The following KCNG3 variants were observed in gnomAD, a reference collection of about 807,000 sequenced individuals.
KCNG3 encodes the protein voltage-gated potassium channel regulatory subunit KCNG3.
A neutral mutation model predicts 29.0 loss-of-function variants in KCNG3; 15 were observed. The ratio of observed to expected loss-of-function variants is 0.52; its 90% confidence interval spans 0.35 to 0.80. KCNG3 has a LOEUF of 0.80. KCNG3 is among the 30% of genes least tolerant of loss of function. The pLI is 0.01. For missense variants in KCNG3, 512 were observed against 605.7 expected (o/e 0.85, Z 1.62); for synonymous variants, 322 against 248.9 (o/e 1.29, Z -2.76).
At chr2:42,432,987 G>C in the KCNG3 span, among the ~76,000 whole-genome samples, 1,623 of 138,076 alleles carry the variant, frequency 0.012, 32 homozygotes, top group African/African-American at 0.039. Flanking sequence ...AACCAGAATA[G>C]AAGGATAGTT....
At chr2:42,390,436 ACT>A in the KCNG3 span, among the ~76,000 whole-genome samples, 4 of 152,064 alleles carry the variant, frequency 2.6e-5, no homozygotes, top group Non-Finnish European at 4.4e-5. Flanking sequence ...TACAATGTTC[ACT>A]CTCTAATGCA....
At chr2:42,396,099 T>C in the KCNG3 span, among the ~76,000 whole-genome samples, 1 of 152,226 alleles carries the variant, frequency 6.6e-6, no homozygotes, top group Non-Finnish European at 1.5e-5. Context: ...TAATAAAGCA[T>C]TGAATGTCTC....
chr2:42,425,473 G>A, the KCNG3 span, among the ~76,000 whole-genome samples: 6 of 151,750 alleles, frequency 4.0e-5, no homozygotes, highest in Non-Finnish European at 8.8e-5. Context: ...TAGAGTGTGG[G>A]CAGAAGAGAA....
intron 1 of KCNG3, among the ~76,000 whole-genome samples, chr2:42,478,125 T>C (rs1673486311): frequency 6.6e-6 from 1 of 152,162 alleles, no homozygotes; most frequent in African/African-American, 2.4e-5. Flanking sequence ...TTTAAAACCA[T>C]GGTTCTCAAA....
chr2:42,465,585 T>C (rs551470558), intron 1 of KCNG3, among the ~76,000 whole-genome samples: 6 of 152,096 alleles, frequency 3.9e-5, no homozygotes, highest in Admixed American at 6.6e-5. Flanking sequence ...CTTTCTTACA[T>C]AGGGCACAAA....
chr2:42,474,098 G>A (rs1306188855), intron 1 of KCNG3, among the ~76,000 whole-genome samples: 1 of 151,970 alleles, frequency 6.6e-6, no homozygotes, highest in African/African-American at 2.4e-5. Context: ...GTTGCAGTGA[G>A]CCGAGATCAC....
At chr2:42,492,050 A>G (rs1163680455) in intron 1 of KCNG3, among the ~76,000 whole-genome samples, 1 of 152,242 alleles carries the variant, frequency 6.6e-6, no homozygotes, top group Admixed American at 6.5e-5. Context: ...ACAGTCTAAG[A>G]AAAGACTGCA....
the KCNG3 span, among the ~76,000 whole-genome samples, chr2:42,422,611 T>C: frequency 3.3e-5 from 5 of 152,138 alleles, no homozygotes; most frequent in Admixed American, 3.3e-4. Context: ...GACTCTGTTA[T>C]CTAAAGAAAT....
the KCNG3 span, among the ~76,000 whole-genome samples, chr2:42,401,711 T>A: frequency 6.6e-6 from 1 of 152,140 alleles, no homozygotes; most frequent in Admixed American, 6.6e-5. Context: ...GTGCTGGGAT[T>A]ACGGACGTGA....
At chr2:42,393,986 G>C in the KCNG3 span, among the ~76,000 whole-genome samples, 3 of 152,016 alleles carry the variant, frequency 2.0e-5, no homozygotes, top group Non-Finnish European at 4.4e-5. Context: ...TCATCATGTT[G>C]GCCAGACTGG....
At chr2:42,467,455 G>A (rs1442896559) in intron 1 of KCNG3, among the ~76,000 whole-genome samples, 1 of 151,062 alleles carries the variant, frequency 6.6e-6, no homozygotes, top group Non-Finnish European at 1.5e-5. Context: ...ATCATCTGAG[G>A]TCAGGAGTGC....
intron 1 of KCNG3, among the ~76,000 whole-genome samples, chr2:42,472,171 T>G (rs996544663): frequency 1.3e-5 from 2 of 152,164 alleles, no homozygotes; most frequent in Non-Finnish European, 2.9e-5. Flanking sequence ...TGAACAAAAC[T>G]ATTCATTGCA....
the KCNG3 span, among the ~76,000 whole-genome samples, chr2:42,431,639 T>C: frequency 6.6e-6 from 1 of 152,204 alleles, no homozygotes; most frequent in African/African-American, 2.4e-5. Context: ...TGAGGAAATG[T>C]TGCTTGCAGA....
At chr2:42,421,656 C>T in the KCNG3 span, among the ~76,000 whole-genome samples, 3 of 152,076 alleles carry the variant, frequency 2.0e-5, no homozygotes, top group Admixed American at 6.6e-5. Context: ...GCTGTGGGCC[C>T]CATACCCTCC....
intron 1 of KCNG3, among the ~76,000 whole-genome samples, chr2:42,474,214 G>C (rs929076034): frequency 6.6e-6 from 1 of 151,456 alleles, no homozygotes; most frequent in Non-Finnish European, 1.5e-5. Flanking sequence ...CAGAGCAAGA[G>C]TTCATCTCGG....
chr2:42,403,477 G>GCTT, the KCNG3 span, among the ~76,000 whole-genome samples: 1 of 87,762 alleles, frequency 1.1e-5, no homozygotes, highest in African/African-American at 4.6e-5. Flanking sequence ...TTTCTTTTCT[G>GCTT]TTTTTTTTTT....
the KCNG3 span, among the ~76,000 whole-genome samples, chr2:42,394,528 T>C: frequency 6.6e-6 from 1 of 152,184 alleles, no homozygotes; most frequent in African/African-American, 2.4e-5. Context: ...AAAATAAATC[T>C]TGGGGTCCCC....
the KCNG3 span, among the ~76,000 whole-genome samples, chr2:42,426,104 A>T: frequency 6.4e-4 from 98 of 152,320 alleles, no homozygotes; most frequent in African/African-American, 2.2e-3. Flanking sequence ...TTAAGAACTG[A>T]AGATGCTAAA....
chr2:42,452,250 T>A (rs1159069994), intron 1 of KCNG3, among the ~76,000 whole-genome samples: 64 of 144,408 alleles, frequency 4.4e-4, no homozygotes, highest in South Asian at 1.1e-3. Flanking sequence ...TATATTTTTT[T>A]TTTTTTTTTA....
Sources: gnomAD v4.1 joint callset for allele counts (sites outside exome capture counted in the v4.1 genomes callset) on GRCh38, gnomAD v4.1.1 for gene constraint, MANE v1.5 for transcripts, NCBI Gene and HGNC (gene_info 2026-07-23, HGNC 2026-07-21) for gene names.